PPP2R2B: variants seen among roughly 807,000 people sequenced by gnomAD.
PPP2R2B encodes the protein serine/threonine-protein phosphatase 2A 55 kDa regulatory subunit B beta isoform.
PPP2R2B carries 5 observed loss-of-function variants against 46.0 expected under a neutral mutation model. That is an observed-to-expected ratio of 0.11 (90% CI 0.06 to 0.23). The LOEUF is 0.23. Among genes scored for constraint, PPP2R2B ranks in the 10% least tolerant of loss-of-function variants. The pLI, the probability that PPP2R2B is intolerant of heterozygous loss-of-function variation, is 1.00. For missense variants in PPP2R2B, 367 were observed against 575.0 expected (o/e 0.64, Z 3.70); for synonymous variants, 215 against 206.7 (o/e 1.04, Z -0.34).
rs778446207 is a variant in PPP2R2B at position 146,985,657 on chromosome 5, G to A, written c.79+70008C>T. Among the ~76,000 whole-genome samples, 11 of 152,098 alleles carry A rather than the reference G, an allele frequency of 7.2e-5. No individual in the cohort carries two copies. The South Asian group carries it at 8.3e-4, about 11-fold the overall frequency. Reference sequence around the variant, plus strand: ...TGAAAAGTCTTCCCTCTAAGATCTTGAACAAGACAAACATGTCCACTCTCA... The same window carrying A: ...TGAAAAGTCTTCCCTCTAAGATCTTAAACAAGACAAACATGTCCACTCTCA... On this transcript the variant is annotated intron_variant, in intron 1 of 8. Transcript: ENST00000336640.
chr5:146,883,945 G>A (rs1414187390), intron 1 of PPP2R2B, among the ~76,000 whole-genome samples: 2 of 152,022 alleles, frequency 1.3e-5, no homozygotes, highest in African/African-American at 4.8e-5. Flanking sequence ...AAGCTGGTAG[G>A]TACTGGCTAT....
chr5:146,996,448 G>C (rs988707199), intron 1 of PPP2R2B, among the ~76,000 whole-genome samples: 3 of 152,138 alleles, frequency 2.0e-5, no homozygotes, highest in Non-Finnish European at 4.4e-5. Context: ...GGAAGAGCAA[G>C]GTGGATTTAG....
chr5:146,955,690 C>T (rs113909217), intron 1 of PPP2R2B, among the ~76,000 whole-genome samples: 16 of 151,880 alleles, frequency 1.1e-4, no homozygotes, highest in African/African-American at 3.4e-4. Context: ...TCCTGATTTA[C>T]TTCTGCATGG....
intron 4 of PPP2R2B, among the ~76,000 whole-genome samples, chr5:146,692,199 C>T (rs1319957121): frequency 6.6e-6 from 1 of 152,180 alleles, no homozygotes; most frequent in African/African-American, 2.4e-5. Flanking sequence ...GAACAAATCT[C>T]ATCTACCTGC....
chr5:147,007,456 AT>A (rs1417443990), intron 1 of PPP2R2B, among the ~76,000 whole-genome samples: 1 of 152,168 alleles, frequency 6.6e-6, no homozygotes, highest in East Asian at 1.9e-4. Flanking sequence ...ACTCTGTAAA[AT>A]AGACCAATCA....
intron 1 of PPP2R2B, among the ~76,000 whole-genome samples, chr5:146,980,129 GA>G (rs965910277): frequency 3.2e-4 from 49 of 151,928 alleles, no homozygotes; most frequent in African/African-American, 1.1e-3. Context: ...ATATTTTTAT[GA>G]AAAAAAGAAA....
intron 1 of PPP2R2B, among the ~76,000 whole-genome samples, chr5:147,037,022 G>T (rs961123682): frequency 4.6e-5 from 7 of 152,122 alleles, no homozygotes; most frequent in Non-Finnish European, 1.0e-4. Context: ...GTTTTTAGAT[G>T]AGCAAACTGT....
Position 146,646,730 on chromosome 5 carries a change from A to G in PPP2R2B, c.625+3817T>C, listed in dbSNP as rs182481470. 6.3e-3 allele frequency among the ~76,000 whole-genome samples: 965 copies of G among 152,334 alleles called. 22 individuals carry two copies. Among genetic ancestry groups the G allele is most frequent in the Admixed American group, 0.041 (630 of 15,302 alleles). The stretch of plus-strand genomic sequence containing the variant: ...CAGATAATAAAATTAGCAGAATAAA[A>G]GCTACCATTCTAATGTTCAACTTTT... On this transcript the variant is annotated intron_variant, in intron 6 of 9. Transcript: ENST00000394411.
At chr5:146,705,339 T>C (rs1003839042) in intron 2 of PPP2R2B, among the ~76,000 whole-genome samples, 4 of 152,182 alleles carry the variant, frequency 2.6e-5, no homozygotes, top group Non-Finnish European at 5.9e-5. Context: ...ATATATTTCA[T>C]AGTGAATGAT....
At chr5:146,640,186 C>T (rs979947815) in intron 6 of PPP2R2B, among the ~76,000 whole-genome samples, 3 of 152,218 alleles carry the variant, frequency 2.0e-5, no homozygotes, top group Non-Finnish European at 4.4e-5. Context: ...GTGCCTCTTT[C>T]CCCTTCATTA....
chr5:146,760,748 TC>T (rs961365414), intron 2 of PPP2R2B, among the ~76,000 whole-genome samples: 2 of 152,094 alleles, frequency 1.3e-5, no homozygotes, highest in Non-Finnish European at 2.9e-5. Flanking sequence ...TTTTCAAACT[TC>T]ACTCTCACCC....
intron 1 of PPP2R2B, among the ~76,000 whole-genome samples, chr5:146,962,652 A>AT (rs1020676584): frequency 1.3e-5 from 2 of 150,842 alleles, no homozygotes; most frequent in African/African-American, 2.4e-5. Context: ...AAAAATAATA[A>AT]AAAAAAAACA....
At chr5:146,932,227 C>G (rs13182446) in intron 1 of PPP2R2B, among the ~76,000 whole-genome samples, 4 of 152,058 alleles carry the variant, frequency 2.6e-5, no homozygotes, top group Non-Finnish European at 4.4e-5. Flanking sequence ...TAAGGTTTAT[C>G]AAGGTATCAG....
Position 146,587,306 on chromosome 5 carries a change from G to A in PPP2R2B, c.*2641C>T, listed in dbSNP as rs1355763057. 6.6e-6 allele frequency: 1 copy of A among 152,206 alleles called. No homozygotes were observed. Among genetic ancestry groups the A allele is most frequent in the African/African-American group, 2.4e-5 (1 of 41,438 alleles). 9.4% of individuals were successfully genotyped at this position (152,206 alleles called of 1,614,324 possible). ...TGCTCCCTGAGGCCTAATCTCTAGG[G>A]CTTTCCCCTCCTGTTCCCGTCCAGG... On this transcript the variant is annotated 3_prime_UTR_variant, in exon 10 of 10. Transcript: ENST00000394411.
At chr5:146,817,482 T>C (rs879447758) in intron 2 of PPP2R2B, among the ~76,000 whole-genome samples, 1 of 152,236 alleles carries the variant, frequency 6.6e-6, no homozygotes, top group Non-Finnish European at 1.5e-5. Flanking sequence ...TATGTGTGCA[T>C]TGTGAAATGG....
At chr5:146,833,639 T>C (rs910091389) in intron 2 of PPP2R2B, among the ~76,000 whole-genome samples, 5 of 152,162 alleles carry the variant, frequency 3.3e-5, no homozygotes, top group African/African-American at 7.2e-5. Context: ...CTCTGAGGCA[T>C]TTTCATATTA....
At chr5:146,777,176 A>G (rs1755237252) in intron 2 of PPP2R2B, among the ~76,000 whole-genome samples, 1 of 152,150 alleles carries the variant, frequency 6.6e-6, no homozygotes, top group Non-Finnish European at 1.5e-5. Flanking sequence ...TTATATACCA[A>G]TGTTCATGCA....
intron 7 of PPP2R2B, among the ~76,000 whole-genome samples, chr5:146,625,772 T>C (rs1774013907): frequency 6.6e-6 from 1 of 152,172 alleles, no homozygotes; most frequent in African/African-American, 2.4e-5. Context: ...ATAAAGATTG[T>C]GGATAGAATT....
chr5:146,829,730 C>A (rs1384441257), intron 2 of PPP2R2B, among the ~76,000 whole-genome samples: 4 of 152,126 alleles, frequency 2.6e-5, no homozygotes, highest in Admixed American at 6.5e-5. Flanking sequence ...TCAAACTATC[C>A]AAAGAATCTA....
Sources: gnomAD v4.1 joint callset for allele counts (sites outside exome capture counted in the v4.1 genomes callset) on GRCh38, gnomAD v4.1.1 for gene constraint, MANE v1.5 for transcripts, NCBI Gene and HGNC (gene_info 2026-07-23, HGNC 2026-07-21) for gene names.